KIAA1549L: variants seen among roughly 807,000 people sequenced by gnomAD.
KIAA1549L encodes KIAA1549 like, also known as UPF0606 protein KIAA1549L.
Under a neutral mutation model 160.7 loss-of-function variants are expected in KIAA1549L, and 88 were observed. The ratio of observed to expected loss-of-function variants is 0.55; its 90% CI spans 0.46 to 0.65. The LOEUF is 0.65. Among genes scored for constraint, KIAA1549L ranks in the 30% least tolerant of loss-of-function variants. The pLI is 0.00. For missense variants in KIAA1549L, 2,258 were observed against 2,437.5 expected (o/e 0.93, Z 1.55); for synonymous variants, 950 against 976.7 (o/e 0.97, Z 0.51).
chr11:33,662,430 C>T (rs1186448386), intron 20 of KIAA1549L, among the ~76,000 whole-genome samples: 1 of 152,166 alleles, frequency 6.6e-6, no homozygotes, highest in Non-Finnish European at 1.5e-5. Flanking sequence ...GCTGTTCAGT[C>T]TGTGAATCTG....
chr11:33,390,359 C>T (rs1466937932), intron 1 of KIAA1549L, among the ~76,000 whole-genome samples: 1 of 152,216 alleles, frequency 6.6e-6, no homozygotes, highest in Non-Finnish European at 1.5e-5. Flanking sequence ...TTTCTGGAGA[C>T]TGGCTTTTTC....
chr11:33,645,057 G>A (rs1434265409), intron 16 of KIAA1549L, among the ~76,000 whole-genome samples: 1 of 152,274 alleles, frequency 6.6e-6, no homozygotes, highest in African/African-American at 2.4e-5. Flanking sequence ...AAAGGCAGGA[G>A]AACGTTCTAG....
At chr11:33,443,736 A>T (rs1011243778) in intron 1 of KIAA1549L, among the ~76,000 whole-genome samples, 1 of 152,088 alleles carries the variant, frequency 6.6e-6, no homozygotes, top group African/African-American at 2.4e-5. Flanking sequence ...ATTGAAAAAA[A>T]AAACAAATAT....
chr11:33,651,582 C>A (rs2133420452), intron 17 of KIAA1549L, among the ~76,000 whole-genome samples: 1 of 152,212 alleles, frequency 6.6e-6, no homozygotes, highest in African/African-American at 2.4e-5. Context: ...ATCCCAAATT[C>A]TTTGGGACCC....
At chr11:33,454,817 C>T (rs1449637851) in intron 1 of KIAA1549L, among the ~76,000 whole-genome samples, 3 of 152,060 alleles carry the variant, frequency 2.0e-5, no homozygotes, top group African/African-American at 7.2e-5. Flanking sequence ...TGGCTGGGCG[C>T]GGTGGCTCAC....
chr11:33,399,045 C>T (rs894675596), intron 1 of KIAA1549L, among the ~76,000 whole-genome samples: 10 of 151,606 alleles, frequency 6.6e-5, no homozygotes, highest in Non-Finnish European at 1.0e-4. Context: ...CTCCACCTCC[C>T]GGGTTCAAGT....
chr11:33,664,800 G>A (rs1460498041), intron 20 of KIAA1549L, among the ~76,000 whole-genome samples: 1 of 152,216 alleles, frequency 6.6e-6, no homozygotes, highest in African/African-American at 2.4e-5. Flanking sequence ...TTGTTTATAA[G>A]CTCCCCAGCT....
intron 4 of KIAA1549L, among the ~76,000 whole-genome samples, chr11:33,550,690 TC>T (rs1854429725): frequency 6.6e-6 from 1 of 152,230 alleles, no homozygotes; most frequent in Non-Finnish European, 1.5e-5. Context: ...AAAGTGATTT[TC>T]CCCAGCATTT....
chr11:33,603,825 AAAG>A (rs543658767), intron 13 of KIAA1549L, among the ~76,000 whole-genome samples: 165 of 151,728 alleles, frequency 1.1e-3, no homozygotes, highest in Non-Finnish European at 1.8e-3. Flanking sequence ...AAGAAAGAAA[AAAG>A]AAGGCCACTG....
intron 1 of KIAA1549L, among the ~76,000 whole-genome samples, chr11:33,408,471 T>G (rs1270567155): frequency 7.1e-6 from 1 of 141,400 alleles, no homozygotes; most frequent in Non-Finnish European, 1.5e-5. Context: ...GATATATATA[T>G]ACATACTCTG....
At chr11:33,382,291 CAAG>C (rs1269944507) in intron 1 of KIAA1549L, among the ~76,000 whole-genome samples, 2 of 152,024 alleles carry the variant, frequency 1.3e-5, no homozygotes, top group African/African-American at 2.4e-5. Flanking sequence ...AGAAAGCAAT[CAAG>C]GAGGAGGGCG....
intron 17 of KIAA1549L, among the ~76,000 whole-genome samples, chr11:33,653,427 CT>C (rs753482416): frequency 2.8e-4 from 42 of 152,360 alleles, no homozygotes; most frequent in Middle Eastern, 3.4e-3. Context: ...TGACTCCTCT[CT>C]GAGCACTTTG....
intron 1 of KIAA1549L, among the ~76,000 whole-genome samples, chr11:33,460,879 C>T (rs1851927427): frequency 6.6e-6 from 1 of 152,180 alleles, no homozygotes; most frequent in Non-Finnish European, 1.5e-5. Context: ...GGTTTACATA[C>T]ACATGTTTAT....
intron 1 of KIAA1549L, among the ~76,000 whole-genome samples, chr11:33,384,057 C>A (rs1052102953): frequency 1.3e-5 from 2 of 152,074 alleles, no homozygotes; most frequent in African/African-American, 4.8e-5. Flanking sequence ...TGCAATCATG[C>A]GTCCACCACC....
chr11:33,537,324 GTCCATATC>G (rs1289580095), intron 1 of KIAA1549L, among the ~76,000 whole-genome samples: 1 of 152,132 alleles, frequency 6.6e-6, no homozygotes, highest in Non-Finnish European at 1.5e-5. Context: ...AAATGCTGGT[GTCCATATC>G]TCCCATAGAA....
intron 1 of KIAA1549L, among the ~76,000 whole-genome samples, chr11:33,450,014 T>C (rs1851688010): frequency 6.6e-6 from 1 of 152,228 alleles, no homozygotes; most frequent in African/African-American, 2.4e-5. Context: ...TTTGCAGAGC[T>C]GCTTCAGTGG....
chr11:33,615,317 G>A (rs1850780118), intron 15 of KIAA1549L, among the ~76,000 whole-genome samples: 1 of 152,092 alleles, frequency 6.6e-6, no homozygotes, highest in Admixed American at 6.5e-5. Flanking sequence ...TAATTTGAGA[G>A]TTACTTTCTT....
At chr11:33,442,496 T>C (rs907512426) in intron 1 of KIAA1549L, among the ~76,000 whole-genome samples, 2 of 152,370 alleles carry the variant, frequency 1.3e-5, no homozygotes, top group South Asian at 2.1e-4. Flanking sequence ...CTCTCAACTC[T>C]TTGAAGATGT....
chr11:33,539,313 T>C (rs1006945509), intron 1 of KIAA1549L, among the ~76,000 whole-genome samples: 2 of 152,262 alleles, frequency 1.3e-5, no homozygotes, highest in Admixed American at 1.3e-4. Flanking sequence ...ATACCTCTTA[T>C]GTTTTCTTGA....
Sources: gnomAD v4.1 joint callset for allele counts (sites outside exome capture counted in the v4.1 genomes callset) on GRCh38, gnomAD v4.1.1 for gene constraint, MANE v1.5 for transcripts, NCBI Gene and HGNC (gene_info 2026-07-23, HGNC 2026-07-21) for gene names.